Variants in HEATR9 observed in about 807,000 individuals in gnomAD.
The protein encoded by HEATR9 is HEAT repeat containing 9.
A neutral mutation model predicts 68.2 loss-of-function variants in HEATR9; 54 were observed. The observed-to-expected ratio is 0.79, with a 90% CI of 0.64 to 0.99. The LOEUF (loss-of-function observed/expected upper bound fraction) is 0.99, where lower values mean the gene tolerates loss of function less well. Among genes scored for constraint, HEATR9 ranks in the 50% least tolerant of loss-of-function variants. The pLI is 0.00. For synonymous variants in HEATR9, 241 were observed against 253.5 expected, an observed-to-expected ratio of 0.95 and a Z score of 0.47; for missense variants, 662 against 679.7, an observed-to-expected ratio of 0.97 and a Z score of 0.29.
chr17:35,867,680 T>C (rs1350168592), intron 1 of HEATR9, among the ~76,000 whole-genome samples: 1 of 152,082 alleles, frequency 6.6e-6, no homozygotes, highest in Admixed American at 6.6e-5. Context: ...CTTGGAGAGT[T>C]TGTTAAAACA....
chr17:35,862,541 GTT>G (rs1319182234), intron 8 of HEATR9, among the ~76,000 whole-genome samples: 1 of 152,180 alleles, frequency 6.6e-6, no homozygotes, highest in African/African-American at 2.4e-5. Flanking sequence ...TGTACTAGGT[GTT>G]TTACATACAT....
chr17:35,864,333 G>A (rs370184768), intron 5 of HEATR9, 31 bp from the exon 6 acceptor site: 1 of 1,591,356 alleles, frequency 6.3e-7, no homozygotes, highest in African/African-American at 1.3e-5. Flanking sequence ...GAAAGAGAAG[G>A]AAACTTGGAC....
chr17:35,858,167 G>T, intron 11 of HEATR9, 33 bp downstream of exon 11: 1 of 1,613,862 alleles, frequency 6.2e-7, no homozygotes, highest in Non-Finnish European at 8.5e-7. Flanking sequence ...AGGTTTGGGT[G>T]TCTCTGGGCT....
intron 6 of HEATR9, chr17:35,864,018 G>A (rs74644774): frequency 0.028 from 15,983 of 570,744 alleles, 462 homozygotes; most frequent in East Asian, 0.13. Flanking sequence ...ATGTCTTTTC[G>A]GTTAGACCAG....
At position 35,863,049 on chromosome 17, in the gene HEATR9, A is replaced by C. The variant is rs756412055; in HGVS notation, c.702T>G (p.Thr234=). Residue 234 remains threonine, a synonymous_variant, in exon 8 of 15, where the codon ACT becomes ACG. Coordinates refer to ENST00000604834, the MANE Select transcript of HEATR9 (RefSeq NM_152781.4). ...KEKNEGQRME[T]LTGLRMALNS... Reference sequence around the variant, plus strand: ...TAAGAGCCATTCGTAGCCCCGTCAAAGTCTCCATCCTTTGACCCTCATTTT... The same window carrying C: ...TAAGAGCCATTCGTAGCCCCGTCAACGTCTCCATCCTTTGACCCTCATTTT... The C allele has an allele frequency of 3.1e-6, 5 of 1,614,068 alleles. No homozygotes were observed. The African/African-American group carries it at 4.0e-5, about 13-fold the overall frequency.
At chr17:35,863,801 G>A (rs757568871) in intron 6 of HEATR9, 63 of 586,624 alleles carry the variant, frequency 1.1e-4, no homozygotes, top group Non-Finnish European at 1.7e-4. Flanking sequence ...CCCTGGGCAA[G>A]TCCCTTGGTC....
At chr17:35,867,271 TAAATA>T (rs1411626313) in intron 1 of HEATR9, among the ~76,000 whole-genome samples, 2 of 150,644 alleles carry the variant, frequency 1.3e-5, no homozygotes, top group Admixed American at 6.6e-5. Context: ...AAAAAATAAA[TAAATA>T]AAATAAAAAT....
chr17:35,856,402 G>A (rs2087772827), intron 12 of HEATR9, 178 bp from the exon 13 acceptor site: 1 of 1,515,088 alleles, frequency 6.6e-7, no homozygotes, highest in African/African-American at 1.4e-5. Flanking sequence ...AGGCACCACA[G>A]TTTGCCAGGA....
chr17:35,861,659 A>C, intron 8 of HEATR9: 1 of 577,278 alleles, frequency 1.7e-6, no homozygotes, highest in Non-Finnish European at 3.1e-6. Flanking sequence ...GTCTTCTCTC[A>C]GATATCTGTA....
intron 1 of HEATR9, 54 bp from the exon 2 acceptor site, chr17:35,866,827 G>T: frequency 6.4e-7 from 1 of 1,569,578 alleles, no homozygotes; most frequent in Non-Finnish European, 8.8e-7. Context: ...GCAGTTGCAG[G>T]CCAGGCTTGG....
chr17:35,865,765 G>C (rs1002569190), intron 2 of HEATR9, among the ~76,000 whole-genome samples: 1 of 152,178 alleles, frequency 6.6e-6, no homozygotes, highest in African/African-American at 2.4e-5. Context: ...AATGACACTT[G>C]AGTAGGGAAA....
chr17:35,863,630 A>C, intron 6 of HEATR9, 71 bp from the exon 7 acceptor site: 12 of 1,496,258 alleles, frequency 8.0e-6, no homozygotes, highest in Non-Finnish European at 8.4e-6. Context: ...GGATTGTCTC[A>C]GCTTAACTTC....
At chr17:35,861,663 A>T in intron 8 of HEATR9, 1 of 573,864 alleles carries the variant, frequency 1.7e-6, no homozygotes, top group South Asian at 2.0e-5. Flanking sequence ...TCTCTCAGAT[A>T]TCTGTAAGGC....
At position 35,863,004 on chromosome 17, in the gene HEATR9, A is replaced by C. The variant is rs1359994957; in HGVS notation, c.747T>G (p.Ser249=). 1.2e-6 allele frequency: 2 copies of C among 1,614,076 alleles called. No homozygotes were observed. The highest frequency in any genetic ancestry group is 1.7e-6 in the Non-Finnish European group (2 of 1,180,038). ...CTGTCCTCCCAATCACCTTGTCTTTAGAGACAGCAGCCCAGGAGTTAAGAG... is the reference window on the plus strand; with the variant it reads ...CTGTCCTCCCAATCACCTTGTCTTTCGAGACAGCAGCCCAGGAGTTAAGAG... The part of the protein sequence containing the change: ...RMALNSWAAV[S]KDKRTQVGDE... Residue 249 remains serine (S), a synonymous_variant, in exon 8 of 15, where the codon TCT becomes TCG. Transcript: ENST00000604834.
chr17:35,859,203 C>A (rs1244117165), intron 8 of HEATR9, 133 bp from the exon 9 acceptor site: 1 of 786,014 alleles, frequency 1.3e-6, no homozygotes, highest in East Asian at 2.7e-5. Flanking sequence ...TTAACTTATT[C>A]TTGCTGTCAC....
chr17:35,855,173 C>G lies in HEATR9; in HGVS notation c.1603G>C (p.Ala535Pro), dbSNP rs377575872. The change falls in exon 15 of 15, where the codon GCT (alanine) becomes CCT (proline). Residue 535 changes from alanine to proline, a missense_variant. Physicochemically the swap from Ala to Pro is conservative, Grantham distance 27. Coordinates refer to ENST00000604834, the MANE Select transcript of HEATR9 (RefSeq NM_152781.4). ...GGTTTCGAGCAGCACGGTGGGAAAG[C>G]AGGCGTTTTCTTTTGGCCTACTTTG... is the stretch of plus-strand genomic sequence containing the variant. ...ITKVGQKKTPAFPPCCSKPRK... is the reference protein window; with the variant it reads ...ITKVGQKKTPPFPPCCSKPRK... The G allele has an allele frequency of 4.5e-5, 72 of 1,614,118 alleles. 2 individuals are homozygous for G. The highest frequency in any genetic ancestry group is 3.6e-4 in the East Asian group (16 of 44,876).
intron 14 of HEATR9, 69 bp downstream of exon 14, chr17:35,855,595 G>C (rs2087742598): frequency 2.1e-6 from 3 of 1,462,004 alleles, no homozygotes; most frequent in Non-Finnish European, 2.9e-6. Flanking sequence ...AAATGGTGGT[G>C]AGATAGGTGG....
intron 1 of HEATR9, among the ~76,000 whole-genome samples, chr17:35,867,696 T>A (rs980837182): frequency 6.6e-6 from 1 of 152,118 alleles, no homozygotes; most frequent in African/African-American, 2.4e-5. Context: ...AAACACAGAT[T>A]TCTGGGACTC....
At chr17:35,856,301 G>C in intron 12 of HEATR9, 77 bp from the exon 13 acceptor site, 1 of 1,613,990 alleles carries the variant, frequency 6.2e-7, no homozygotes, top group Non-Finnish European at 8.5e-7. Flanking sequence ...TTGCTTTTCA[G>C]GTCCAGAGCG....
Sources: allele counts gnomAD v4.1 joint callset (sites outside exome capture counted in the v4.1 genomes callset), GRCh38; gene constraint gnomAD v4.1.1; transcripts MANE v1.5; gene names NCBI Gene and HGNC (gene_info 2026-07-23, HGNC 2026-07-21).